The following DDX25 variants were observed in gnomAD, a reference collection of about 807,000 sequenced individuals.
The protein encoded by DDX25 is ATP-dependent RNA helicase DDX25.
DDX25 carries 70 observed loss-of-function variants against 64.6 expected under a neutral mutation model. The ratio of observed to expected loss-of-function variants is 1.08; its 90% CI spans 0.89 to 1.32. The LOEUF (loss-of-function observed/expected upper bound fraction) is 1.32, where lower values mean the gene tolerates loss of function less well. DDX25 is among the 40% of genes most tolerant of loss of function. The pLI is 0.00. For synonymous variants in DDX25, 211 were observed against 213.3 expected, an observed-to-expected ratio of 0.99 and a Z score of 0.09; for missense variants, 587 against 604.4, an observed-to-expected ratio of 0.97 and a Z score of 0.30.
At chr11:125,907,337 G>A (rs531678808) in intron 4 of DDX25, among the ~76,000 whole-genome samples, 114 of 152,256 alleles carry the variant, frequency 7.5e-4, no homozygotes, top group East Asian at 3.9e-3. Flanking sequence ...GGCCGGGCGC[G>A]GTGGCTCACG....
intron 1 of DDX25, 53 bp downstream of exon 1, chr11:125,904,633 G>A: frequency 1.4e-6 from 2 of 1,423,938 alleles, no homozygotes; most frequent in South Asian, 2.8e-5. Flanking sequence ...GCTCCCACTC[G>A]CAGAGGGAGA....
intron 9 of DDX25, among the ~76,000 whole-genome samples, chr11:125,918,116 G>A (rs558679737): frequency 2.6e-5 from 4 of 152,222 alleles, no homozygotes; most frequent in African/African-American, 7.2e-5. Flanking sequence ...CCCGACCTCA[G>A]GTGATCCACC....
chr11:125,904,474 G>T (rs1255909548), upstream of DDX25: 3 of 1,452,346 alleles, frequency 2.1e-6, no homozygotes, highest in Non-Finnish European at 2.7e-6. Context: ...GCCTCGCGCC[G>T]GTGGTGGAAG....
In DDX25 at chr11:125,918,845, CCTTTT is replaced by C. The variant is rs1488652250; in HGVS notation, c.1201+56_1201+60del. ...TAATTTGCATATGATAAAATGCATTCCTTTTAAGTGTACAGTTTCGCGAGTTTCGA... is the reference window on the plus strand; with the variant it reads ...TAATTTGCATATGATAAAATGCATTCAAGTGTACAGTTTCGCGAGTTTCGA... On this transcript the variant is annotated intron_variant, in intron 10 of 11. Coordinates refer to ENST00000263576, the MANE Select transcript of DDX25 (RefSeq NM_013264.5). The C allele has an allele frequency of 2.0e-6, 3 of 1,497,722 alleles. No individual in the cohort carries two copies. In the African/African-American group the frequency reaches 4.2e-5, roughly 21 times the overall value. The allele number at this position is 1,497,722 out of a possible 1,614,324, so 92.8% of individuals were successfully genotyped here. A position where few individuals can be genotyped will look rare whatever the true frequency, so the allele number is the denominator to read the frequency against.
chr11:125,916,953 A>G, intron 8 of DDX25, 61 bp from the exon 9 acceptor site: 7 of 1,485,540 alleles, frequency 4.7e-6, no homozygotes, highest in Non-Finnish European at 6.4e-6. Flanking sequence ...AGTGGCATGA[A>G]GTGCTTGAAG....
chr11:125,914,061 G>T (rs1487626746), intron 8 of DDX25, among the ~76,000 whole-genome samples: 1 of 152,060 alleles, frequency 6.6e-6, no homozygotes, highest in Non-Finnish European at 1.5e-5. Flanking sequence ...ATCTTCAGTT[G>T]TCTCTCTGAG....
intron 6 of DDX25, 55 bp from the exon 7 acceptor site, chr11:125,910,309 T>G: frequency 6.8e-7 from 1 of 1,464,532 alleles, no homozygotes; most frequent in Non-Finnish European, 9.5e-7. Flanking sequence ...CAGTTGAAAT[T>G]TGAAAGATGC....
Position 125,923,915 on chromosome 11 carries a change from C to G in DDX25, c.*1034C>G, listed in dbSNP as rs1043377267. 2 of 152,148 alleles carry G rather than the reference C, an allele frequency of 1.3e-5. No homozygotes were observed. The highest frequency in any genetic ancestry group is 2.9e-5 in the Non-Finnish European group (2 of 68,052). 9.4% of individuals were successfully genotyped at this position (152,148 alleles called of 1,614,324 possible). On this transcript the variant is annotated 3_prime_UTR_variant, in exon 12 of 12. Coordinates refer to ENST00000263576, the MANE Select transcript of DDX25 (RefSeq NM_013264.5). ...TCCTGGCATATCTATTTTGATATCCCTCTTCCATGTCACCCTGCCCATGTT... is the reference window on the plus strand; with the variant it reads ...TCCTGGCATATCTATTTTGATATCCGTCTTCCATGTCACCCTGCCCATGTT...
chr11:125,916,868 A>G (rs1222727341), intron 8 of DDX25, 146 bp from the exon 9 acceptor site: 3 of 737,566 alleles, frequency 4.1e-6, no homozygotes, highest in Non-Finnish European at 6.7e-6. Flanking sequence ...GACCTTGGCT[A>G]TCTGCCTGGA....
chr11:125,908,453 T>C lies in DDX25; in HGVS notation c.457T>C (p.Phe153Leu). Residue 153 changes from phenylalanine to leucine, a missense_variant, in exon 6 of 12, where the codon TTT becomes CTT. By Grantham distance (22) the Phe-to-Leu change is conservative. Coordinates refer to ENST00000263576, the MANE Select transcript of DDX25 (RefSeq NM_013264.5). The part of the protein sequence containing the change: ...SQSGTGKTAA[F>L]VLAMLSRVNA... ...GTCTGGAACAGGAAAGACAGCGGCA[T>C]TTGTGTTGGCAATGTTAAGCAGAGT... 6.2e-7 allele frequency: 1 copy of C among 1,614,008 alleles called. No individual in the cohort carries two copies. The highest frequency in any genetic ancestry group is 8.5e-7 in the Non-Finnish European group (1 of 1,179,902).
rs1008166141 is a variant in DDX25, at chr11:125,923,057, T to G, written c.*176T>G. On this transcript the variant is annotated 3_prime_UTR_variant, in exon 12 of 12. Coordinates refer to ENST00000263576, the MANE Select transcript of DDX25 (RefSeq NM_013264.5). ...AGGTCTTTTTGAAGCCAAATTGATG[T>G]GAAGCTTGTGATCCTTTTGAATAAA... 1.7e-6 allele frequency: 1 copy of G among 577,174 alleles called. No individual in the cohort carries two copies. The highest frequency in any genetic ancestry group is 3.1e-6 in the Non-Finnish European group (1 of 324,872). 35.8% of individuals were successfully genotyped at this position (577,174 alleles called of 1,614,324 possible).
Position 125,904,517 on chromosome 11 carries a change from C to T in DDX25, c.-1C>T, listed in dbSNP as rs1565461045. The stretch of plus-strand genomic sequence containing the variant: ...TGGGGGCGGGAGCAGCAATCGCAGC[C>T]ATGGCGTCGTTACTGTGGGGAGGCG... On this transcript the variant is annotated 5_prime_UTR_variant, in exon 1 of 12. Coordinates refer to ENST00000263576, the MANE Select transcript of DDX25 (RefSeq NM_013264.5). The T allele has an allele frequency of 1.3e-6, 2 of 1,492,100 alleles. No individual in the cohort carries two copies. Among genetic ancestry groups the T allele is most frequent in the Middle Eastern group, 2.4e-4 (1 of 4,126 alleles). 92.4% of individuals were successfully genotyped at this position (1,492,100 alleles called of 1,614,324 possible).
intron 4 of DDX25, among the ~76,000 whole-genome samples, chr11:125,906,818 C>T (rs7119637): frequency 0.19 from 21,042 of 112,292 alleles, 2,013 homozygotes; most frequent in Admixed American, 0.32. Flanking sequence ...AGTGAGACTC[C>T]GTCTCAAAAA....
In DDX25 at chr11:125,917,224, C is replaced by T. The variant is rs771914420; in HGVS notation, c.1011C>T (p.Thr337=). The change falls in exon 9 of 12, where the codon ACC becomes ACT. Residue 337 remains threonine, a synonymous_variant. Transcript: ENST00000263576. The part of the protein sequence containing the change: ...QALCNIYGSI[T]IGQAIIFCQT... ...TGTGCAACATTTATGGCAGCATCAC[C>T]ATTGGTCAGGCCATCATCTTCTGCC... 6.2e-7 allele frequency: 1 copy of T among 1,608,202 alleles called. No individual in the cohort carries two copies. The highest frequency in any genetic ancestry group is 8.5e-7 in the Non-Finnish European group (1 of 1,177,520).
chr11:125,909,942 G>A (rs1437473495), intron 6 of DDX25, among the ~76,000 whole-genome samples: 6 of 152,126 alleles, frequency 3.9e-5, no homozygotes, highest in Non-Finnish European at 5.9e-5. Context: ...GTGAGCCACC[G>A]TGCCCAACCT....
intron 6 of DDX25, among the ~76,000 whole-genome samples, chr11:125,910,126 G>A (rs1008709537): frequency 6.6e-6 from 1 of 151,856 alleles, no homozygotes; most frequent in African/African-American, 2.4e-5. Context: ...TAACCCTTTA[G>A]AGAGGAATAT....
intron 9 of DDX25, among the ~76,000 whole-genome samples, chr11:125,918,195 T>A (rs543116649): frequency 6.6e-6 from 1 of 152,194 alleles, no homozygotes. Context: ...TTTAATTTTT[T>A]AAATGAAATT....
intron 7 of DDX25, 65 bp from the exon 8 acceptor site, chr11:125,911,246 C>T (rs2134277567): frequency 6.8e-7 from 1 of 1,481,280 alleles, no homozygotes; most frequent in Non-Finnish European, 9.1e-7. Flanking sequence ...ATTGCACTGC[C>T]CTGAACTGTG....
intron 10 of DDX25, among the ~76,000 whole-genome samples, chr11:125,918,991 A>G (rs1269246468): frequency 2.0e-5 from 3 of 152,160 alleles, no homozygotes; most frequent in South Asian, 4.1e-4. Flanking sequence ...GCCCCTGGCA[A>G]CTACTGATCA....
Sources: gnomAD v4.1 joint callset for allele counts (sites outside exome capture counted in the v4.1 genomes callset) on GRCh38, gnomAD v4.1.1 for gene constraint, MANE v1.5 for transcripts, NCBI Gene and HGNC (gene_info 2026-07-23, HGNC 2026-07-21) for gene names.